Variants in GRM7 observed in about 807,000 individuals in gnomAD.
The protein encoded by GRM7 is metabotropic glutamate receptor 7.
A neutral mutation model predicts 84.5 loss-of-function variants in GRM7; 35 were observed. That is an observed-to-expected ratio of 0.41 (90% CI 0.32 to 0.55). GRM7 has a LOEUF of 0.55. GRM7 is among the 20% of genes least tolerant of loss of function. The probability of loss-of-function intolerance (pLI) is 0.19; values close to 1 mark genes in which losing one functional copy is unlikely to be tolerated. For missense variants in GRM7, 1,003 were observed against 1,194.6 expected, an observed-to-expected ratio of 0.84 and a Z score of 2.36; for synonymous variants, 487 against 455.1, an observed-to-expected ratio of 1.07 and a Z score of -0.89.
intron 2 of GRM7, among the ~76,000 whole-genome samples, chr3:7,261,503 G>A (rs59743609): frequency 0.012 from 1,895 of 152,168 alleles, 46 homozygotes; most frequent in African/African-American, 0.044. Context: ...ATGTGAGATG[G>A]GTCTCTTGAG....
chr3:7,513,221 A>G (rs1270430179), intron 7 of GRM7, among the ~76,000 whole-genome samples: 2 of 152,098 alleles, frequency 1.3e-5, no homozygotes, highest in East Asian at 1.9e-4. Context: ...TCCACCTCTC[A>G]CCTTTCTCCT....
At chr3:7,699,035 G>C (rs888297656) in intron 9 of GRM7, among the ~76,000 whole-genome samples, 7 of 152,112 alleles carry the variant, frequency 4.6e-5, no homozygotes, top group African/African-American at 1.7e-4. Context: ...CTTAGGAACA[G>C]GATATATCTG....
chr3:7,041,907 C>T (rs1331261745), intron 1 of GRM7, among the ~76,000 whole-genome samples: 3 of 152,092 alleles, frequency 2.0e-5, no homozygotes, highest in Non-Finnish European at 4.4e-5. Flanking sequence ...TTATCAATGG[C>T]CAATGACTTA....
chr3:7,099,169 C>T (rs751257861), intron 1 of GRM7, among the ~76,000 whole-genome samples: 25 of 149,452 alleles, frequency 1.7e-4, no homozygotes, highest in Admixed American at 2.7e-4. Context: ...CAAAGAAGTT[C>T]GCAGGTTTAA....
intron 4 of GRM7, among the ~76,000 whole-genome samples, chr3:7,311,123 A>G (rs1700375965): frequency 6.6e-6 from 1 of 152,212 alleles, no homozygotes; most frequent in African/African-American, 2.4e-5. Flanking sequence ...GAGGTCAAGA[A>G]TAAAATAGTA....
chr3:7,539,412 C>G (rs1443976989), intron 7 of GRM7, among the ~76,000 whole-genome samples: 1 of 152,134 alleles, frequency 6.6e-6, no homozygotes, highest in Non-Finnish European at 1.5e-5. Context: ...TGTGGTGGCT[C>G]ACGCCTGTAA....
At chr3:7,197,186 C>T (rs1205287011) in intron 2 of GRM7, among the ~76,000 whole-genome samples, 2 of 152,246 alleles carry the variant, frequency 1.3e-5, no homozygotes, top group East Asian at 3.9e-4. Flanking sequence ...CAACAAATAG[C>T]TGGAAACCAC....
intron 5 of GRM7, among the ~76,000 whole-genome samples, chr3:7,428,851 C>G (rs1239565504): frequency 6.6e-6 from 1 of 152,134 alleles, no homozygotes; most frequent in Non-Finnish European, 1.5e-5. Context: ...TGTTAATTTT[C>G]TTCATTAAAA....
At chr3:7,059,177 A>C (rs1697338496) in intron 1 of GRM7, among the ~76,000 whole-genome samples, 1 of 151,818 alleles carries the variant, frequency 6.6e-6, no homozygotes, top group Admixed American at 6.6e-5. Context: ...ATATATATAT[A>C]TGTATTACAC....
intron 3 of GRM7, among the ~76,000 whole-genome samples, chr3:7,305,343 C>CTTTTTTTTTTTTTTTTTTTTTTTT (rs1258984449): frequency 2.9e-5 from 1 of 34,984 alleles, no homozygotes; most frequent in Non-Finnish European, 1.0e-4. Flanking sequence ...TTTTTTTTTT[C>CTTTTTTTTTTTTTTTTTTTTTTTT]TTTTTTTTTT....
Position 7,665,464 on chromosome 3 carries a change from C to G in GRM7, c.2452-14585C>G, listed in dbSNP as rs576468201. ...TGCTGGGATTACAAGCGTGAGCCAC[C>G]GCGCCCGGCCTTGCCCATGATTCTT... On this transcript the variant is annotated intron_variant, in intron 8 of 9. Coordinates refer to ENST00000357716, the MANE Select transcript of GRM7 (RefSeq NM_000844.4). Among the ~76,000 whole-genome samples the G allele has an allele frequency of 2.6e-5, 4 of 152,074 alleles. No individual in the cohort carries two copies. In the South Asian group the frequency reaches 8.3e-4, roughly 32 times the overall value.
At chr3:7,197,945 G>A (rs1695934265) in intron 2 of GRM7, among the ~76,000 whole-genome samples, 1 of 152,092 alleles carries the variant, frequency 6.6e-6, no homozygotes, top group South Asian at 2.1e-4. Context: ...TAAAGATTAA[G>A]TGGGACCCAG....
intron 7 of GRM7, among the ~76,000 whole-genome samples, chr3:7,567,318 G>A (rs932427141): frequency 7.2e-5 from 11 of 152,146 alleles, no homozygotes; most frequent in Admixed American, 6.6e-4. Flanking sequence ...CTTTTAAAAA[G>A]AGGCAGTGTT....
chr3:7,569,009 A>T (rs533942303), intron 7 of GRM7, among the ~76,000 whole-genome samples: 3 of 152,286 alleles, frequency 2.0e-5, no homozygotes, highest in East Asian at 3.9e-4. Flanking sequence ...AGGCAGCTCC[A>T]CCTGCGCCCC....
intron 1 of GRM7, among the ~76,000 whole-genome samples, chr3:7,086,969 C>T (rs1026404764): frequency 1.8e-4 from 28 of 152,068 alleles, no homozygotes; most frequent in Admixed American, 4.6e-4. Context: ...ATATTTCCTT[C>T]CAGCAGTAAA....
intron 1 of GRM7, among the ~76,000 whole-genome samples, chr3:7,025,553 C>A (rs995371874): frequency 6.6e-6 from 1 of 152,160 alleles, no homozygotes; most frequent in African/African-American, 2.4e-5. Flanking sequence ...TCAATCATCT[C>A]TGTAAAGGCT....
intron 4 of GRM7, among the ~76,000 whole-genome samples, chr3:7,414,300 T>G (rs933527458): frequency 6.6e-6 from 1 of 152,142 alleles, no homozygotes; most frequent in Non-Finnish European, 1.5e-5. Flanking sequence ...GGAGATGGTG[T>G]AGTCTTCATT....
chr3:7,305,885 A>C (rs1023305970), intron 3 of GRM7, among the ~76,000 whole-genome samples: 4 of 152,080 alleles, frequency 2.6e-5, no homozygotes, highest in African/African-American at 9.7e-5. Flanking sequence ...CCCTCTTCCA[A>C]AAGTACTATT....
Position 7,376,914 on chromosome 3 carries a change from C to A in GRM7, c.1034-38109C>A, listed in dbSNP as rs536511587. Among the ~76,000 whole-genome samples the A allele has an allele frequency of 2.0e-5, 3 of 152,298 alleles. No individual in the cohort carries two copies. In the East Asian group the frequency reaches 5.8e-4, roughly 29 times the overall value. On this transcript the variant is annotated intron_variant, in intron 4 of 9. Coordinates refer to ENST00000357716, the MANE Select transcript of GRM7 (RefSeq NM_000844.4). ...ATGCCTCTGCCTACCAGTGCATCTA[C>A]AGTAGTACCACCTCCCCATTTGTGA...
Sources: allele counts gnomAD v4.1 joint callset (sites outside exome capture counted in the v4.1 genomes callset), GRCh38; gene constraint gnomAD v4.1.1; transcripts MANE v1.5; gene names NCBI Gene and HGNC (gene_info 2026-07-23, HGNC 2026-07-21).